The following FTO variants were observed in gnomAD, a reference collection of about 807,000 sequenced individuals.
The protein encoded by FTO is alpha-ketoglutarate-dependent dioxygenase FTO.
FTO carries 47 observed loss-of-function variants against 63.9 expected under a neutral mutation model. That is an observed-to-expected ratio of 0.74 (90% confidence interval 0.58 to 0.94). The LOEUF is 0.94. Among genes scored for constraint, FTO ranks in the 40% least tolerant of loss-of-function variants. The pLI is 0.00. For missense variants in FTO, 562 were observed against 618.1 expected (o/e 0.91, Z 0.96); for synonymous variants, 207 against 224.4 (o/e 0.92, Z 0.69).
intron 1 of FTO, among the ~76,000 whole-genome samples, chr16:53,716,006 C>T (rs969893768): frequency 2.6e-5 from 4 of 152,076 alleles, no homozygotes; most frequent in Non-Finnish European, 5.9e-5. Flanking sequence ...GGCATGTAAA[C>T]AAATAATTAT....
In FTO at chr16:53,847,339, C is replaced by T. The variant is rs533760296; in HGVS notation, c.895+3041C>T. 2.6e-5 allele frequency among the ~76,000 whole-genome samples: 4 copies of T among 152,336 alleles called. No homozygotes were observed. In the South Asian group the frequency reaches 8.3e-4, roughly 32 times the overall value. On this transcript the variant is annotated intron_variant, in intron 4 of 8. Coordinates refer to ENST00000471389, the MANE Select transcript of FTO (RefSeq NM_001080432.3). ...CAGGGTTCCTGTGCCTTCTTCTTCC[C>T]ACCTGGCATGATGCCTCCGCCTCAC...
intron 6 of FTO, among the ~76,000 whole-genome samples, chr16:53,881,274 A>C (rs772612814): frequency 3.9e-5 from 6 of 152,310 alleles, no homozygotes; most frequent in Admixed American, 1.3e-4. Context: ...GAGGAGTTAC[A>C]TTATAGGAGA....
chr16:53,953,791 C>A lies in FTO; in HGVS notation c.1364+19682C>A, dbSNP rs111526455. The stretch of plus-strand genomic sequence containing the variant: ...GGGGCCCAGCATCCTGTGAATTTCT[C>A]CATTATGTGGCAGAAAATGCTGCTG... On this transcript the variant is annotated intron_variant, in intron 8 of 8. Transcript: ENST00000471389. Among the ~76,000 whole-genome samples the A allele has an allele frequency of 7.9e-3, 1,209 of 152,286 alleles. 22 individuals are homozygous for A. The highest frequency in any genetic ancestry group is 0.028 in the African/African-American group (1,147 of 41,562).
At chr16:54,052,059 G>A (rs1054151586) in intron 8 of FTO, among the ~76,000 whole-genome samples, 10 of 152,280 alleles carry the variant, frequency 6.6e-5, no homozygotes, top group East Asian at 3.9e-4. Flanking sequence ...TATTCTCACC[G>A]ATAATAGCAT....
chr16:54,055,160 T>C (rs8062891), intron 8 of FTO, among the ~76,000 whole-genome samples: 121,832 of 152,174 alleles, frequency 0.8, 49,820 homozygotes, highest in East Asian at 1. Flanking sequence ...CAGCCCTGCT[T>C]GCAATACTGG....
intron 1 of FTO, among the ~76,000 whole-genome samples, chr16:53,804,283 A>T (rs1300369009): frequency 6.6e-6 from 1 of 152,238 alleles, no homozygotes; most frequent in Non-Finnish European, 1.5e-5. Context: ...TAATATCTGC[A>T]TAGTTTATAG....
At chr16:54,067,238 T>A (rs1284375980) in intron 8 of FTO, among the ~76,000 whole-genome samples, 1 of 152,150 alleles carries the variant, frequency 6.6e-6, no homozygotes, top group Non-Finnish European at 1.5e-5. Context: ...TTTTATAGTC[T>A]TATCTACTAA....
intron 1 of FTO, among the ~76,000 whole-genome samples, chr16:53,739,548 C>T (rs140658309): frequency 4.4e-4 from 67 of 152,146 alleles, no homozygotes; most frequent in African/African-American, 1.6e-3. Context: ...CCCAAGGCAA[C>T]AGACAGATTA....
intron 8 of FTO, among the ~76,000 whole-genome samples, chr16:53,974,439 G>T (rs2083392477): frequency 6.6e-6 from 1 of 152,100 alleles, no homozygotes; most frequent in Non-Finnish European, 1.5e-5. Context: ...AAAACATCAA[G>T]ATTCACCATG....
intron 8 of FTO, among the ~76,000 whole-genome samples, chr16:54,055,100 T>C (rs2144352868): frequency 6.6e-6 from 1 of 152,326 alleles, no homozygotes; most frequent in South Asian, 2.1e-4. Flanking sequence ...CTTCCGTTAG[T>C]TCATACCAGC....
chr16:53,760,621 C>CTTTTTT (rs1169039527), intron 1 of FTO, among the ~76,000 whole-genome samples: 10 of 112,016 alleles, frequency 8.9e-5, no homozygotes, highest in South Asian at 3.1e-4. Flanking sequence ...TGCTTGCTTT[C>CTTTTTT]TTTTTTTTTT....
chr16:53,825,414 C>G (rs1482803351), intron 2 of FTO, among the ~76,000 whole-genome samples: 1 of 152,072 alleles, frequency 6.6e-6, no homozygotes, highest in East Asian at 1.9e-4. Flanking sequence ...TTTCAGTGGT[C>G]TCATCTATAA....
chr16:53,789,452 A>G (rs536241813), intron 1 of FTO, among the ~76,000 whole-genome samples: 1 of 152,316 alleles, frequency 6.6e-6, no homozygotes, highest in Admixed American at 6.5e-5. Flanking sequence ...AAGTTTCCTA[A>G]CTTTGAAGCT....
At chr16:53,732,041 ATTTTTTTTTTTTT>A (rs375814669) in intron 1 of FTO, among the ~76,000 whole-genome samples, 1 of 98,620 alleles carries the variant, frequency 1.0e-5, no homozygotes, top group Non-Finnish European at 1.9e-5. Flanking sequence ...TTGTGGCCTT[ATTTTTTTTTTTTT>A]TTTTTTTTTT....
At chr16:54,070,037 T>C (rs1334840334) in intron 8 of FTO, 4 of 152,150 alleles carry the variant, frequency 2.6e-5, no homozygotes, top group African/African-American at 9.7e-5. Flanking sequence ...TAACAGGTTA[T>C]CTCATTAAAT....
At chr16:53,812,633 A>G (rs915680925) in intron 2 of FTO, among the ~76,000 whole-genome samples, 1 of 152,130 alleles carries the variant, frequency 6.6e-6, no homozygotes, top group Non-Finnish European at 1.5e-5. Context: ...CATGCACCCA[A>G]TAGTTAATTT....
At chr16:54,008,694 A>C (rs1408969537) in intron 8 of FTO, 1 of 151,766 alleles carries the variant, frequency 6.6e-6, no homozygotes, top group Non-Finnish European at 1.5e-5. Context: ...AGTTTCTTGT[A>C]ATTTCTTACC....
chr16:53,792,728 A>T (rs953502075), intron 1 of FTO, among the ~76,000 whole-genome samples: 34 of 152,142 alleles, frequency 2.2e-4, no homozygotes, highest in African/African-American at 8.0e-4. Context: ...AAAGTATAAG[A>T]TTTCAGGGTG....
chr16:53,933,900 A>G, intron 7 of FTO, 85 bp from the exon 8 acceptor site: 1 of 1,367,856 alleles, frequency 7.3e-7, no homozygotes. Flanking sequence ...AAAGCCATTG[A>G]TTTACTGTCC....
Sources: gnomAD v4.1 joint callset for allele counts (sites outside exome capture counted in the v4.1 genomes callset) on GRCh38, gnomAD v4.1.1 for gene constraint, MANE v1.5 for transcripts, NCBI Gene and HGNC (gene_info 2026-07-23, HGNC 2026-07-21) for gene names.